Variants in PITPNB observed in about 807,000 individuals in gnomAD.
PITPNB encodes phosphatidylinositol transfer protein beta.
PITPNB carries 16 observed loss-of-function variants against 45.9 expected under a neutral mutation model. The observed-to-expected ratio is 0.35, with a 90% CI of 0.24 to 0.53. The LOEUF (loss-of-function observed/expected upper bound fraction) is 0.53, where lower values mean the gene tolerates loss of function less well. Ranked by LOEUF, PITPNB falls within the 20% of genes least tolerant of loss-of-function variation. PITPNB has a pLI of 0.93. For synonymous variants in PITPNB, 112 were observed against 108.9 expected, an observed-to-expected ratio of 1.03 and a Z score of -0.18; for missense variants, 188 against 330.5, an observed-to-expected ratio of 0.57 and a Z score of 3.34.
chr22:27,867,737 C>T (rs1051474438), intron 8 of PITPNB, among the ~76,000 whole-genome samples: 9 of 152,214 alleles, frequency 5.9e-5, no homozygotes, highest in African/African-American at 1.9e-4. Context: ...AAGAAGCTCA[C>T]ACTGCCAAAT....
intron 3 of PITPNB, among the ~76,000 whole-genome samples, chr22:27,910,192 TG>T (rs1211594125): frequency 1.3e-5 from 2 of 151,996 alleles, no homozygotes; most frequent in African/African-American, 4.8e-5. Context: ...CCTCGTAATC[TG>T]CCCGCCTCAG....
chr22:27,878,461 G>A (rs115294000), intron 7 of PITPNB, among the ~76,000 whole-genome samples: 2 of 152,188 alleles, frequency 1.3e-5, no homozygotes, highest in Non-Finnish European at 2.9e-5. Context: ...TTAAGAAACT[G>A]ATTTCAACAG....
intron 1 of PITPNB, among the ~76,000 whole-genome samples, chr22:27,918,718 G>A (rs1263001405): frequency 6.6e-6 from 1 of 152,088 alleles, no homozygotes; most frequent in South Asian, 2.1e-4. Flanking sequence ...GCCTTCAACC[G>A]GCAAGCCCAT....
At chr22:27,915,258 T>C (rs1433360413) in intron 1 of PITPNB, among the ~76,000 whole-genome samples, 3 of 152,214 alleles carry the variant, frequency 2.0e-5, no homozygotes, top group African/African-American at 7.2e-5. Context: ...TAATCTTATC[T>C]GTCATTTTAT....
chr22:27,901,906 A>G (rs1448484129), intron 3 of PITPNB, among the ~76,000 whole-genome samples: 1 of 151,862 alleles, frequency 6.6e-6, no homozygotes, highest in Non-Finnish European at 1.5e-5. Flanking sequence ...ATAAATATAT[A>G]TATACCTACA....
intron 7 of PITPNB, among the ~76,000 whole-genome samples, chr22:27,888,054 ATTC>A (rs571568692): frequency 6.2e-4 from 94 of 152,322 alleles, no homozygotes; most frequent in African/African-American, 2.0e-3. Context: ...CATCTTATGC[ATTC>A]TTCTTGATAG....
intron 8 of PITPNB, among the ~76,000 whole-genome samples, chr22:27,861,762 G>A (rs1934340960): frequency 1.3e-5 from 2 of 152,288 alleles, no homozygotes; most frequent in South Asian, 4.1e-4. Context: ...AGAAAAAAAA[G>A]GGACATCATC....
chr22:27,878,632 T>C (rs924680775), intron 7 of PITPNB, among the ~76,000 whole-genome samples: 4 of 152,178 alleles, frequency 2.6e-5, no homozygotes, highest in Non-Finnish European at 5.9e-5. Flanking sequence ...AGACAGGGGC[T>C]GGGCTGAAGT....
rs953791785 is a variant in PITPNB at position 27,855,385 on chromosome 22, G to A, written c.769-446C>T. On this transcript the variant is annotated intron_variant, in intron 10 of 11. Coordinates refer to ENST00000335272, the MANE Select transcript of PITPNB (RefSeq NM_012399.5). ...TTAAAGGAAGTTTACTGAAAGGAGG[G>A]AGAATGAAAGGGAGAAAAGGCAAGG... Among the ~76,000 whole-genome samples, 1,030 of 152,140 alleles carry A rather than the reference G, an allele frequency of 6.8e-3. 7 individuals carry two copies. The highest frequency in any genetic ancestry group is 0.023 in the African/African-American group (937 of 41,508).
chr22:27,894,371 CTT>C lies in PITPNB; in HGVS notation c.456+182_456+183del, dbSNP rs1935375363. On this transcript the variant is annotated intron_variant, in intron 7 of 11. Coordinates refer to ENST00000335272, the MANE Select transcript of PITPNB (RefSeq NM_012399.5). ...ACACAGAAAACAAATCGCCTTCTCT[CTT>C]ACTCTGGTCTCTTTGCTGCACAGAC... 3 of 452,640 alleles carry C rather than the reference CTT, an allele frequency of 6.6e-6. No homozygotes were observed. In the East Asian group the frequency reaches 9.4e-5, roughly 14 times the overall value. 28.0% of individuals were successfully genotyped at this position (452,640 alleles called of 1,614,324 possible). A position where few individuals can be genotyped will look rare whatever the true frequency, so the allele number is the denominator to read the frequency against.
intron 7 of PITPNB, among the ~76,000 whole-genome samples, chr22:27,890,785 G>C (rs1004231300): frequency 3.9e-5 from 6 of 152,228 alleles, no homozygotes; most frequent in Admixed American, 1.3e-4. Flanking sequence ...CTGCACTCCA[G>C]CCTGGGCGAC....
chr22:27,890,359 T>C lies in PITPNB; in HGVS notation c.456+4196A>G, dbSNP rs1020621074. On this transcript the variant is annotated intron_variant, in intron 7 of 11. Coordinates refer to ENST00000335272, the MANE Select transcript of PITPNB (RefSeq NM_012399.5). The stretch of plus-strand genomic sequence containing the variant: ...AGAGAAATATGCATACTGGAATTAT[T>C]TTTTTTTTTTACATCAAAAGGTCTG... Among the ~76,000 whole-genome samples, 9 of 111,424 alleles carry C rather than the reference T, an allele frequency of 8.1e-5. No homozygotes were observed. The South Asian group carries it at 3.2e-3, about 40-fold the overall frequency. 73.1% of individuals were successfully genotyped at this position (111,424 alleles called of 152,430 possible). A position where few individuals can be genotyped will look rare whatever the true frequency, so the allele number is the denominator to read the frequency against.
chr22:27,896,671 T>G (rs1935442367), intron 5 of PITPNB, 45 bp from the exon 6 acceptor site: 2 of 1,327,322 alleles, frequency 1.5e-6, no homozygotes, highest in African/African-American at 1.4e-5. Context: ...TTCTACCTGT[T>G]CCTTGGTGCC....
intron 7 of PITPNB, among the ~76,000 whole-genome samples, chr22:27,882,928 G>T (rs1007356323): frequency 6.6e-6 from 1 of 152,200 alleles, no homozygotes; most frequent in African/African-American, 2.4e-5. Flanking sequence ...AAAACAAACA[G>T]TAAGTTCCAA....
chr22:27,855,518 G>A (rs1490278151), intron 10 of PITPNB, among the ~76,000 whole-genome samples: 1 of 152,192 alleles, frequency 6.6e-6, no homozygotes, highest in East Asian at 1.9e-4. Context: ...ATAGCCTCCA[G>A]ACAAGTGACA....
chr22:27,884,126 G>T (rs187284029), intron 7 of PITPNB, among the ~76,000 whole-genome samples: 1 of 151,406 alleles, frequency 6.6e-6, no homozygotes, highest in Non-Finnish European at 1.5e-5. Flanking sequence ...AACAACCCAG[G>T]GACCACACAG....
intron 2 of PITPNB, among the ~76,000 whole-genome samples, chr22:27,913,387 C>G (rs931315974): frequency 3.9e-5 from 6 of 152,182 alleles, no homozygotes; most frequent in Admixed American, 3.3e-4. Context: ...ACTGTCAGCT[C>G]TAGGAAAACC....
At chr22:27,915,259 G>T (rs1177764127) in intron 1 of PITPNB, among the ~76,000 whole-genome samples, 3 of 151,968 alleles carry the variant, frequency 2.0e-5, no homozygotes, top group Non-Finnish European at 4.4e-5. Flanking sequence ...AATCTTATCT[G>T]TCATTTTATG....
chr22:27,897,768 AG>A, intron 4 of PITPNB, 32 bp downstream of exon 4: 2 of 1,327,034 alleles, frequency 1.5e-6, no homozygotes, highest in South Asian at 2.3e-5. Context: ...CTCAGGGTGG[AG>A]GGGTGCAATG....
Sources: allele counts gnomAD v4.1 joint callset (sites outside exome capture counted in the v4.1 genomes callset), GRCh38; gene constraint gnomAD v4.1.1; transcripts MANE v1.5; gene names NCBI Gene and HGNC (gene_info 2026-07-23, HGNC 2026-07-21).